GALNT6: variants seen among roughly 807,000 people sequenced by gnomAD.
GALNT6 encodes GalNAc transferase 6.
In GALNT6, 51 loss-of-function variants were observed where a neutral mutation model predicts 65.9. That is an observed-to-expected ratio of 0.77 (90% CI 0.62 to 0.98). The LOEUF is 0.98. Among genes scored for constraint, GALNT6 ranks in the 50% least tolerant of loss-of-function variants. The pLI is 0.00. For synonymous variants in GALNT6, 323 were observed against 315.1 expected, an observed-to-expected ratio of 1.02 and a Z score of -0.26; for missense variants, 708 against 803.3, an observed-to-expected ratio of 0.88 and a Z score of 1.43.
At chr12:51,368,953 C>T (rs1947200343) in intron 4 of GALNT6, among the ~76,000 whole-genome samples, 1 of 152,178 alleles carries the variant, frequency 6.6e-6, no homozygotes, top group South Asian at 2.1e-4. Flanking sequence ...AGATGCTGTT[C>T]TGGGAAGGGA....
chr12:51,364,076 TAGGACTGGGGCC>T, intron 6 of GALNT6, 33 bp downstream of exon 6: 1 of 1,324,446 alleles, frequency 7.6e-7, no homozygotes. Flanking sequence ...TGGAACTGGG[TAGGACTGGGGCC>T]AGGTTGGGGG....
In GALNT6 at chr12:51,359,271, C is replaced by T. The variant is rs145680644; in HGVS notation, c.1229G>A (p.Arg410Gln). The part of the protein sequence containing the change: ...IPCSVVGHVF[R>Q]TKSPHTFPKG... Reference sequence around the variant, plus strand: ...GGGGAAGGTGTGGGGGCTCTTGGTCCGGAACACATGGCCTACGACAGAGCA... The same window carrying T: ...GGGGAAGGTGTGGGGGCTCTTGGTCTGGAACACATGGCCTACGACAGAGCA... Residue 410 changes from arginine to glutamine, a missense_variant, in exon 8 of 12, where the codon CGG becomes CAG. Transcript: ENST00000356317. The T allele has an allele frequency of 3.8e-5, 62 of 1,613,946 alleles. No individual in the cohort carries two copies. The highest frequency in any genetic ancestry group is 1.6e-4 in the African/African-American group (12 of 74,884).
At position 51,354,383 on chromosome 12, in the gene GALNT6, AC is replaced by A; in HGVS notation, c.1864del (p.Val622SerfsTer21). 5 of 1,541,978 alleles carry A rather than the reference AC, an allele frequency of 3.2e-6. No individual in the cohort carries two copies. The highest frequency in any genetic ancestry group is 4.4e-6 in the Non-Finnish European group (5 of 1,145,036). ...PSDPHQLWLF[V>X] ...TCTCTGGGGATGATCTGGGTCCTAG[AC>A]AAAGAGCCACAACTGATGGGGGTCA... On this transcript the variant is annotated frameshift_variant, in exon 12 of 12. Coordinates refer to ENST00000356317, the MANE Select transcript of GALNT6 (RefSeq NM_007210.4). LOFTEE classifies it high-confidence loss of function.
chr12:51,368,408 T>C (rs1016961526), intron 4 of GALNT6, among the ~76,000 whole-genome samples: 2 of 139,286 alleles, frequency 1.4e-5, no homozygotes, highest in African/African-American at 5.2e-5. Flanking sequence ...TTTTTTTTTT[T>C]TCTTCTTTTT....
At chr12:51,356,081 G>T in intron 10 of GALNT6, 123 bp from the exon 11 acceptor site, 2 of 791,294 alleles carry the variant, frequency 2.5e-6, no homozygotes, top group Non-Finnish European at 4.2e-6. Flanking sequence ...GCCATGCCAA[G>T]ACTTTACTCA....
rs56716510 is a variant in GALNT6 at position 51,353,364 on chromosome 12, CTTT to C, written c.*1012_*1014del. 90,611 of 139,272 alleles carry C rather than the reference CTTT, an allele frequency of 0.65. 29,580 individuals carry two copies. Among genetic ancestry groups the C allele is most frequent in the African/African-American group, 0.7 (26,081 of 37,358 alleles). 8.6% of individuals were successfully genotyped at this position (139,272 alleles called of 1,614,324 possible). A position where few individuals can be genotyped will look rare whatever the true frequency, so the allele number is the denominator to read the frequency against. ...CCTCTGATCTGTCTGTTAGAATATA[CTTT>C]TTTTTTTTTTTTTTTTCCTGAGATG... is the stretch of plus-strand genomic sequence containing the variant. On this transcript the variant is annotated 3_prime_UTR_variant, in exon 12 of 12. Coordinates refer to ENST00000356317, the MANE Select transcript of GALNT6 (RefSeq NM_007210.4).
intron 11 of GALNT6, 74 bp from the exon 12 acceptor site, chr12:51,354,566 G>C: frequency 1.1e-6 from 1 of 872,336 alleles, no homozygotes; most frequent in South Asian, 1.7e-5. Flanking sequence ...CAATGCGATG[G>C]GGTGCAATTG....
intron 7 of GALNT6, 26 bp downstream of exon 7, chr12:51,360,694 TC>T (rs1179520681): frequency 7.6e-7 from 1 of 1,316,972 alleles, no homozygotes. Flanking sequence ...ATGTTGTGGT[TC>T]CCCCCAAAGC....
At chr12:51,356,668 T>C (rs1237121801) in intron 10 of GALNT6, among the ~76,000 whole-genome samples, 2 of 152,172 alleles carry the variant, frequency 1.3e-5, no homozygotes, top group Non-Finnish European at 2.9e-5. Context: ...CTAATCATAT[T>C]TCCTTTAAAT....
At chr12:51,381,476 A>C (rs1466708695) in intron 2 of GALNT6, among the ~76,000 whole-genome samples, 2 of 152,184 alleles carry the variant, frequency 1.3e-5, no homozygotes, top group Non-Finnish European at 2.9e-5. Context: ...ATGGCAAGGG[A>C]CCTGGGCACA....
intron 10 of GALNT6, among the ~76,000 whole-genome samples, chr12:51,356,182 G>A (rs4761790): frequency 0.69 from 103,067 of 149,668 alleles, 35,930 homozygotes; most frequent in Non-Finnish European, 0.76. Context: ...ATATATATAT[G>A]TGTGTATATA....
rs1592316062 is a variant in GALNT6, at chr12:51,359,397, G to A, written c.1168-65C>T. On this transcript the variant is annotated intron_variant, in intron 7 of 11. Transcript: ENST00000356317. ...AGGTGAGACAGTCTCCCCATAAGCA[G>A]CTCTATTCTATTCCCAGAGCACCAG... is the stretch of plus-strand genomic sequence containing the variant. 3.6e-6 allele frequency: 4 copies of A among 1,122,766 alleles called. No homozygotes were observed. The East Asian group carries it at 9.5e-5, about 27-fold the overall frequency. 69.6% of individuals were successfully genotyped at this position (1,122,766 alleles called of 1,614,324 possible).
At position 51,357,402 on chromosome 12, in the gene GALNT6, G is replaced by A. The variant is rs201689030; in HGVS notation, c.1549C>T (p.Arg517Cys). The A allele has an allele frequency of 6.4e-5, 103 of 1,614,066 alleles. No homozygotes were observed. Among genetic ancestry groups the A allele is most frequent in the African/African-American group, 2.1e-4 (16 of 75,030 alleles). ...NQCLDVGENN[R>C]GGKPLIMYSC... ...TACATGATGAGGGGCTTCCCCCCGC[G>A]GTTGTTCTCACCCACATCCAGGCAT... Residue 517 changes from arginine to cysteine, a missense_variant, in exon 10 of 12, where the codon CGC becomes TGC. Transcript: ENST00000356317.
intron 3 of GALNT6, among the ~76,000 whole-genome samples, 179 bp from the exon 4 acceptor site, chr12:51,377,546 C>T (rs1947505660): frequency 6.6e-6 from 1 of 152,130 alleles, no homozygotes; most frequent in Non-Finnish European, 1.5e-5. Flanking sequence ...ATCTGCCACC[C>T]ACCCTGAGCC....
At position 51,353,269 on chromosome 12, in the gene GALNT6, C is replaced by T. The variant is rs1439565587; in HGVS notation, c.*1110G>A. ...TACAGATAAAGTAAGATAAAGGACA[C>T]CTGTCAAGGAGATATCTGTAAACAG... On this transcript the variant is annotated 3_prime_UTR_variant, in exon 12 of 12. Coordinates refer to ENST00000356317, the MANE Select transcript of GALNT6 (RefSeq NM_007210.4). The T allele has an allele frequency of 6.6e-6, 1 of 152,146 alleles. No homozygotes were observed. Among genetic ancestry groups the T allele is most frequent in the East Asian group, 1.9e-4 (1 of 5,198 alleles). The allele number at this position is 152,146 out of a possible 1,614,324, so 9.4% of individuals were successfully genotyped here. A position where few individuals can be genotyped will look rare whatever the true frequency, so the allele number is the denominator to read the frequency against.
intron 2 of GALNT6, among the ~76,000 whole-genome samples, chr12:51,384,485 A>G (rs775245587): frequency 6.6e-6 from 1 of 152,160 alleles, no homozygotes; most frequent in Non-Finnish European, 1.5e-5. Context: ...TTAGGCCAGG[A>G]GTTCAAGACC....
chr12:51,368,395 G>GTTTT (rs34661831), intron 4 of GALNT6, among the ~76,000 whole-genome samples: 1 of 135,734 alleles, frequency 7.4e-6, no homozygotes, highest in Non-Finnish European at 1.6e-5. Context: ...TTTTTTCCAT[G>GTTTT]TTTTTTTTTT....
chr12:51,360,460 C>T (rs1032087390), intron 7 of GALNT6, among the ~76,000 whole-genome samples: 1 of 152,214 alleles, frequency 6.6e-6, no homozygotes, highest in Admixed American at 6.5e-5. Flanking sequence ...CACCAGATGT[C>T]CAGTCCTCAT....
At chr12:51,366,867 C>A (rs1404040006) in intron 4 of GALNT6, among the ~76,000 whole-genome samples, 2 of 152,180 alleles carry the variant, frequency 1.3e-5, no homozygotes, top group African/African-American at 4.8e-5. Context: ...GTGGCTCACT[C>A]CTGTAATCCC....
Sources: allele counts gnomAD v4.1 joint callset (sites outside exome capture counted in the v4.1 genomes callset), GRCh38; gene constraint gnomAD v4.1.1; transcripts MANE v1.5; gene names NCBI Gene and HGNC (gene_info 2026-07-23, HGNC 2026-07-21).